The following IFTAP variants were observed in gnomAD, a reference collection of about 807,000 sequenced individuals.
IFTAP encodes intraflagellar transport-associated protein.
IFTAP carries 19 observed loss-of-function variants against 19.4 expected under a neutral mutation model. That is an observed-to-expected ratio of 0.98 (90% CI 0.68 to 1.44). IFTAP has a LOEUF of 1.44. IFTAP is among the 40% of genes most tolerant of loss of function. IFTAP has a pLI of 0.00. For synonymous variants in IFTAP, 85 were observed against 83.5 expected, an observed-to-expected ratio of 1.02 and a Z score of -0.10; for missense variants, 240 against 253.6, an observed-to-expected ratio of 0.95 and a Z score of 0.36.
intron 1 of IFTAP, among the ~76,000 whole-genome samples, chr11:36,607,966 C>T (rs113219704): frequency 1.6e-4 from 25 of 152,178 alleles, no homozygotes; most frequent in African/African-American, 5.1e-4. Context: ...TTTATAGATA[C>T]GGGGAAACAG....
Position 36,594,585 on chromosome 11 carries a change from A to AT in IFTAP, c.-31_-30insT, listed in dbSNP as rs1851127437. Reference sequence around the variant, plus strand: ...TGGAATGTGTCTGTGAATAAAGACTAGCCGAAGGTGCGAAGTGACTAGACG... The same window carrying AT: ...TGGAATGTGTCTGTGAATAAAGACTATGCCGAAGGTGCGAAGTGACTAGACG... On this transcript the variant is annotated 5_prime_UTR_variant, in exon 1 of 6. In the 5' UTR this introduces an upstream ATG that the reference lacks. Transcript: ENST00000334307. 1 of 201,498 alleles carries AT rather than the reference A, an allele frequency of 5.0e-6. No homozygotes were observed. Among genetic ancestry groups the AT allele is most frequent in the East Asian group, 1.3e-4 (1 of 7,984 alleles). 12.5% of individuals were successfully genotyped at this position (201,498 alleles called of 1,614,324 possible).
rs749400805 is a variant in IFTAP, at chr11:36,648,116, A to C, written c.459A>C (p.Pro153=). ...VAQPPTCEVK[P]KPSVKRMDKQ... is the part of the protein sequence containing the mutation. ...AGCCTCCTACCTGTGAAGTGAAGCC[A>C]AAGCCCAGTGTTAAAAGAATGGACA... Residue 153 remains proline, a synonymous_variant, in exon 5 of 6, where the codon CCA becomes CCC. Transcript: ENST00000334307. 56 of 1,613,334 alleles carry C rather than the reference A, an allele frequency of 3.5e-5. No homozygotes were observed. Among genetic ancestry groups the C allele is most frequent in the Non-Finnish European group, 4.2e-5 (49 of 1,179,596 alleles).
At chr11:36,643,493 A>G (rs564240622) in intron 4 of IFTAP, among the ~76,000 whole-genome samples, 4 of 152,332 alleles carry the variant, frequency 2.6e-5, no homozygotes, top group South Asian at 4.1e-4. Flanking sequence ...AATTGGAAAA[A>G]CTACTTTAAA....
intron 2 of IFTAP, among the ~76,000 whole-genome samples, chr11:36,622,152 T>C (rs1852319863): frequency 6.7e-6 from 1 of 149,692 alleles, no homozygotes; most frequent in African/African-American, 2.5e-5. Context: ...GTGAAAGACA[T>C]ATATAATTTA....
At chr11:36,640,189 G>A (rs1007727253) in intron 4 of IFTAP, among the ~76,000 whole-genome samples, 8 of 152,212 alleles carry the variant, frequency 5.3e-5, no homozygotes, top group Non-Finnish European at 7.3e-5. Context: ...GGCAGGTCAT[G>A]TGTTGATGTT....
chr11:36,595,925 T>C (rs1223252158), intron 1 of IFTAP, among the ~76,000 whole-genome samples: 1 of 152,176 alleles, frequency 6.6e-6, no homozygotes, highest in East Asian at 1.9e-4. Context: ...TGGATAAACA[T>C]ATATGATGAG....
At chr11:36,595,000 C>A (rs1322009838) in intron 1 of IFTAP, 1 of 152,196 alleles carries the variant, frequency 6.6e-6, no homozygotes, top group Non-Finnish European at 1.5e-5. Context: ...ATCTTTGAAT[C>A]CCTAGAGTGC....
chr11:36,628,326 T>C (rs1398700111), intron 2 of IFTAP, among the ~76,000 whole-genome samples: 1 of 151,336 alleles, frequency 6.6e-6, no homozygotes, highest in Non-Finnish European at 1.5e-5. Context: ...TTTCCCTTTG[T>C]AAAATGACCT....
intron 2 of IFTAP, among the ~76,000 whole-genome samples, chr11:36,626,329 T>C (rs997677222): frequency 1.1e-4 from 17 of 151,422 alleles, no homozygotes; most frequent in Admixed American, 3.3e-4. Flanking sequence ...CTGAAAGATA[T>C]GTAAAGTGTT....
chr11:36,627,944 A>T (rs1254458423), intron 2 of IFTAP, among the ~76,000 whole-genome samples: 1 of 151,306 alleles, frequency 6.6e-6, no homozygotes, highest in East Asian at 1.9e-4. Context: ...GAGAGGAAAC[A>T]TAACCAGTTG....
At chr11:36,626,722 C>A (rs559173696) in intron 2 of IFTAP, among the ~76,000 whole-genome samples, 1 of 151,148 alleles carries the variant, frequency 6.6e-6, no homozygotes, top group Admixed American at 6.6e-5. Context: ...GTGACCTGAT[C>A]CTAGGACTCT....
intron 4 of IFTAP, 87 bp downstream of exon 4, chr11:36,636,204 A>G: frequency 2.0e-6 from 2 of 987,614 alleles, no homozygotes; most frequent in African/African-American, 1.6e-5. Flanking sequence ...GTTTTTGGCA[A>G]TTCTTACCTC....
At chr11:36,616,109 G>A (rs1199909407) in intron 2 of IFTAP, among the ~76,000 whole-genome samples, 1 of 151,926 alleles carries the variant, frequency 6.6e-6, no homozygotes, top group South Asian at 2.1e-4. Context: ...ATGACATACG[G>A]TAACTGTCGG....
intron 5 of IFTAP, among the ~76,000 whole-genome samples, chr11:36,649,249 C>T (rs34259437): frequency 0.03 from 4,538 of 152,216 alleles, 106 homozygotes; most frequent in Non-Finnish European, 0.048. Context: ...CTAATAAGTA[C>T]TTTTGTTCAC....
chr11:36,650,705 C>A (rs1853683902), intron 5 of IFTAP, among the ~76,000 whole-genome samples: 1 of 152,094 alleles, frequency 6.6e-6, no homozygotes, highest in Admixed American at 6.6e-5. Context: ...TCCCTCCCCC[C>A]TTCCCCCACC....
At chr11:36,612,695 A>G (rs901033405) in intron 2 of IFTAP, among the ~76,000 whole-genome samples, 2 of 152,114 alleles carry the variant, frequency 1.3e-5, no homozygotes, top group Admixed American at 6.6e-5. Flanking sequence ...TAGTTTCTCA[A>G]GTCCATTACC....
chr11:36,609,465 A>G (rs1851799096), intron 1 of IFTAP, among the ~76,000 whole-genome samples: 1 of 152,164 alleles, frequency 6.6e-6, no homozygotes, highest in South Asian at 2.1e-4. Context: ...GCTCAGAGTT[A>G]CCAGTCCCTG....
intron 4 of IFTAP, among the ~76,000 whole-genome samples, chr11:36,642,465 C>T (rs1252115267): frequency 6.6e-6 from 1 of 152,120 alleles, no homozygotes; most frequent in African/African-American, 2.4e-5. Context: ...TGAAACTATT[C>T]CAATGAATAG....
At chr11:36,639,082 C>T (rs12283026) in intron 4 of IFTAP, among the ~76,000 whole-genome samples, 3,867 of 152,234 alleles carry the variant, frequency 0.025, 164 homozygotes, top group African/African-American at 0.088. Context: ...TGTCATGCCT[C>T]AGACAAACTG....
Sources: allele counts gnomAD v4.1 joint callset (sites outside exome capture counted in the v4.1 genomes callset), GRCh38; gene constraint gnomAD v4.1.1; transcripts MANE v1.5; gene names NCBI Gene and HGNC (gene_info 2026-07-23, HGNC 2026-07-21).